VPS41: variants seen among roughly 807,000 people sequenced by gnomAD.
VPS41 encodes VPS41 subunit of HOPS complex.
A neutral mutation model predicts 130.9 loss-of-function variants in VPS41; 85 were observed. The ratio of observed to expected loss-of-function variants is 0.65; its 90% confidence interval spans 0.55 to 0.78. VPS41 has a LOEUF of 0.78. Ranked by LOEUF, VPS41 falls within the 30% of genes least tolerant of loss-of-function variation. The pLI, the probability that VPS41 is intolerant of heterozygous loss-of-function variation, is 0.00. For missense variants in VPS41, 874 were observed against 1,018.7 expected (o/e 0.86, Z 1.93); for synonymous variants, 335 against 332.9 (o/e 1.01, Z -0.07).
chr7:38,909,123 T>C (rs765543055), intron 1 of VPS41, 31 bp downstream of exon 1: 5 of 1,592,956 alleles, frequency 3.1e-6, no homozygotes, highest in South Asian at 1.1e-5. Flanking sequence ...TCTATATCCC[T>C]GTGCCCTCAA....
chr7:38,908,642 T>G (rs569446322), intron 1 of VPS41, among the ~76,000 whole-genome samples: 1 of 152,302 alleles, frequency 6.6e-6, no homozygotes, highest in East Asian at 1.9e-4. Flanking sequence ...GAACCAGCAC[T>G]TGGACCCCAG....
At chr7:38,812,187 G>A (rs1022710813) in intron 7 of VPS41, among the ~76,000 whole-genome samples, 8 of 151,946 alleles carry the variant, frequency 5.3e-5, no homozygotes, top group African/African-American at 1.9e-4. Context: ...ACCTAAAAGG[G>A]GTACTGGCAT....
At chr7:38,900,624 A>G (rs1191655331) in intron 1 of VPS41, among the ~76,000 whole-genome samples, 1 of 152,228 alleles carries the variant, frequency 6.6e-6, no homozygotes, top group Non-Finnish European at 1.5e-5. Context: ...CCACACCAGA[A>G]AGCATGCAGT....
intron 10 of VPS41, among the ~76,000 whole-genome samples, chr7:38,778,795 G>A (rs1784306293): frequency 6.6e-6 from 1 of 152,138 alleles, no homozygotes; most frequent in South Asian, 2.1e-4. Flanking sequence ...CCCCACTTGG[G>A]ATGCCAAATA....
At chr7:38,907,364 GA>G (rs1014997138) in intron 1 of VPS41, among the ~76,000 whole-genome samples, 2 of 152,182 alleles carry the variant, frequency 1.3e-5, no homozygotes, top group African/African-American at 4.8e-5. Context: ...AGAGTAGTGG[GA>G]AAAATGAGGT....
intron 24 of VPS41, among the ~76,000 whole-genome samples, chr7:38,742,597 A>G (rs1795902345): frequency 6.6e-6 from 1 of 152,088 alleles, no homozygotes; most frequent in African/African-American, 2.4e-5. Context: ...GCCAGCCTCA[A>G]GTTTATGATA....
intron 5 of VPS41, among the ~76,000 whole-genome samples, chr7:38,822,215 C>A (rs1250045982): frequency 6.6e-6 from 1 of 152,068 alleles, no homozygotes; most frequent in Non-Finnish European, 1.5e-5. Context: ...AAAACACATG[C>A]TATAAAAAAT....
chr7:38,802,237 T>G (rs1383559453), intron 7 of VPS41, among the ~76,000 whole-genome samples: 1 of 152,194 alleles, frequency 6.6e-6, no homozygotes, highest in African/African-American at 2.4e-5. Flanking sequence ...TTCTGAAATG[T>G]GTCTGCAGGC....
chr7:38,849,141 C>G (rs997083792), intron 4 of VPS41, among the ~76,000 whole-genome samples: 5 of 152,020 alleles, frequency 3.3e-5, no homozygotes, highest in African/African-American at 1.2e-4. Flanking sequence ...AGGAAAAGTT[C>G]CCTCATCTCC....
At chr7:38,864,433 C>T (rs1389594885) in intron 3 of VPS41, among the ~76,000 whole-genome samples, 1 of 151,908 alleles carries the variant, frequency 6.6e-6, no homozygotes, top group East Asian at 1.9e-4. Context: ...TATGTTAGAA[C>T]ATTTTGGAAA....
chr7:38,842,834 A>G (rs1785636539), intron 4 of VPS41, among the ~76,000 whole-genome samples: 1 of 152,196 alleles, frequency 6.6e-6, no homozygotes, highest in South Asian at 2.1e-4. Flanking sequence ...TTCCCACATC[A>G]GTCTCTATCC....
At chr7:38,879,948 C>G (rs1331085796) in intron 2 of VPS41, among the ~76,000 whole-genome samples, 1 of 151,136 alleles carries the variant, frequency 6.6e-6, no homozygotes, top group Non-Finnish European at 1.5e-5. Context: ...AATTCATAAT[C>G]AAGAGCCAGT....
intron 7 of VPS41, among the ~76,000 whole-genome samples, chr7:38,811,068 A>C (rs774380741): frequency 6.6e-5 from 10 of 152,122 alleles, no homozygotes; most frequent in Non-Finnish European, 1.2e-4. Flanking sequence ...AATGAAAGTG[A>C]TCATTTCACA....
intron 4 of VPS41, among the ~76,000 whole-genome samples, chr7:38,835,022 C>T (rs1424139841): frequency 1.3e-5 from 2 of 152,030 alleles, no homozygotes; most frequent in Admixed American, 6.5e-5. Flanking sequence ...ATACACCAGG[C>T]TCTATTCTAT....
chr7:38,858,397 G>C (rs532477923), intron 4 of VPS41, among the ~76,000 whole-genome samples: 1 of 152,076 alleles, frequency 6.6e-6, no homozygotes, highest in Non-Finnish European at 1.5e-5. Flanking sequence ...GTTAATGCCG[G>C]TCAGTTGTGC....
At chr7:38,758,230 T>C in intron 18 of VPS41, 124 bp downstream of exon 18, 1 of 879,478 alleles carries the variant, frequency 1.1e-6, no homozygotes, top group Non-Finnish European at 1.7e-6. Context: ...AGGTTTTTAC[T>C]AAGAAGGAAT....
chr7:38,752,839 G>A (rs966289053), intron 21 of VPS41, among the ~76,000 whole-genome samples: 19 of 152,056 alleles, frequency 1.2e-4, no homozygotes, highest in African/African-American at 4.6e-4. Flanking sequence ...CTCAAGTAGC[G>A]GGCACTAAAC....
At chr7:38,767,709 A>G (rs984747631) in intron 14 of VPS41, 111 bp from the exon 15 acceptor site, 45 of 610,964 alleles carry the variant, frequency 7.4e-5, no homozygotes, top group Middle Eastern at 2.6e-4. Context: ...TCTACTGACT[A>G]TAACCTGTTT....
At chr7:38,729,768 G>A (rs1795620526) in intron 25 of VPS41, among the ~76,000 whole-genome samples, 1 of 152,128 alleles carries the variant, frequency 6.6e-6, no homozygotes, top group Non-Finnish European at 1.5e-5. Context: ...GCTTTTAGGT[G>A]GGGACACAGC....
Sources: gnomAD v4.1 joint callset for allele counts (sites outside exome capture counted in the v4.1 genomes callset) on GRCh38, gnomAD v4.1.1 for gene constraint, MANE v1.5 for transcripts, NCBI Gene and HGNC (gene_info 2026-07-23, HGNC 2026-07-21) for gene names.